ADAMTS12: variants seen among roughly 807,000 people sequenced by gnomAD.
ADAMTS12 encodes the protein ADAM metallopeptidase with thrombospondin type 1 motif 12.
Under a neutral mutation model 167.8 loss-of-function variants are expected in ADAMTS12, and 118 were observed. That is an observed-to-expected ratio of 0.70 (90% CI 0.61 to 0.82). The LOEUF is 0.82. ADAMTS12 is among the 40% of genes least tolerant of loss of function. The pLI is 0.00. For missense variants in ADAMTS12, 1,916 were observed against 1,998.8 expected, an observed-to-expected ratio of 0.96 and a Z score of 0.79; for synonymous variants, 704 against 716.9, an observed-to-expected ratio of 0.98 and a Z score of 0.29.
At chr5:33,791,859 A>C (rs1167016885) in intron 2 of ADAMTS12, among the ~76,000 whole-genome samples, 1 of 140,516 alleles carries the variant, frequency 7.1e-6, no homozygotes, top group Non-Finnish European at 1.5e-5. Context: ...TCCAAGCCTA[A>C]CTCAGATCCT....
chr5:33,846,022 C>T (rs1748930154), intron 2 of ADAMTS12, among the ~76,000 whole-genome samples: 1 of 152,212 alleles, frequency 6.6e-6, no homozygotes, highest in South Asian at 2.1e-4. Flanking sequence ...CCCACCAGGG[C>T]CCACCTCCAG....
At chr5:33,601,106 A>AGAGT (rs772822991) in intron 16 of ADAMTS12, among the ~76,000 whole-genome samples, 1 of 145,820 alleles carries the variant, frequency 6.9e-6, no homozygotes, top group Non-Finnish European at 1.5e-5. Flanking sequence ...CACATTTAAG[A>AGAGT]GTGTGTGTGT....
chr5:33,649,784 A>G, intron 7 of ADAMTS12, 87 bp from the exon 8 acceptor site: 1 of 1,522,520 alleles, frequency 6.6e-7, no homozygotes, highest in African/African-American at 1.4e-5. Context: ...GAGCGTAATA[A>G]CTCACAGACA....
At position 33,866,240 on chromosome 5, in the gene ADAMTS12, T is replaced by C. The variant is rs568059317; in HGVS notation, c.489+14879A>G. Reference sequence around the variant, plus strand: ...AAAGAGCATGGTACTGTTATAAAAATAGATACATAGGCCAATGGAACTGAA... The same window carrying C: ...AAAGAGCATGGTACTGTTATAAAAACAGATACATAGGCCAATGGAACTGAA... On this transcript the variant is annotated intron_variant, in intron 2 of 23. Transcript: ENST00000504830. Among the ~76,000 whole-genome samples the C allele has an allele frequency of 4.7e-4, 71 of 152,162 alleles. 1 individual carries two copies. The highest frequency in any genetic ancestry group is 1.7e-3 in the African/African-American group (70 of 41,534).
At chr5:33,815,292 T>C (rs1747606617) in intron 2 of ADAMTS12, among the ~76,000 whole-genome samples, 1 of 152,144 alleles carries the variant, frequency 6.6e-6, no homozygotes, top group African/African-American at 2.4e-5. Flanking sequence ...CCCAGTGTGA[T>C]GGTATGTGGA....
At chr5:33,851,504 A>G (rs1469185965) in intron 2 of ADAMTS12, among the ~76,000 whole-genome samples, 1 of 152,260 alleles carries the variant, frequency 6.6e-6, no homozygotes, top group Non-Finnish European at 1.5e-5. Context: ...TTGAATTAAA[A>G]GGATTTACTA....
intron 1 of ADAMTS12, among the ~76,000 whole-genome samples, chr5:33,891,278 G>A (rs866716805): frequency 6.6e-6 from 1 of 152,094 alleles, no homozygotes; most frequent in African/African-American, 2.4e-5. Context: ...TGCTCAGTAG[G>A]GGGGAAGAAT....
At position 33,588,580 on chromosome 5, in the gene ADAMTS12, C is replaced by T. The variant is rs1328405010; in HGVS notation, c.2865+19G>A. Reference sequence around the variant, plus strand: ...GAAGCTTGAATAATGCCAGTTTCCCCGCCGAGCCCTGAGCTCACCTCACTC... The same window carrying T: ...GAAGCTTGAATAATGCCAGTTTCCCTGCCGAGCCCTGAGCTCACCTCACTC... On this transcript the variant is annotated intron_variant, in intron 18 of 23. Transcript: ENST00000504830. 4 of 1,612,190 alleles carry T rather than the reference C, an allele frequency of 2.5e-6. No individual in the cohort carries two copies. The highest frequency in any genetic ancestry group is 1.3e-5 in the African/African-American group (1 of 74,878).
At chr5:33,644,257 A>G (rs1740580405) in intron 9 of ADAMTS12, among the ~76,000 whole-genome samples, 1 of 152,076 alleles carries the variant, frequency 6.6e-6, no homozygotes, top group Admixed American at 6.5e-5. Flanking sequence ...TTGTTGATGG[A>G]CCTTCTTATT....
At chr5:33,788,627 A>G (rs1746422186) in intron 2 of ADAMTS12, among the ~76,000 whole-genome samples, 2 of 152,188 alleles carry the variant, frequency 1.3e-5, no homozygotes, top group African/African-American at 4.8e-5. Context: ...CACTGGAAGC[A>G]GGTGCACCAG....
chr5:33,779,061 A>G (rs188747819), intron 2 of ADAMTS12, among the ~76,000 whole-genome samples: 1 of 152,258 alleles, frequency 6.6e-6, no homozygotes, highest in East Asian at 1.9e-4. Context: ...GTTAGTGGGG[A>G]TGTAAATTAG....
intron 13 of ADAMTS12, among the ~76,000 whole-genome samples, chr5:33,628,396 A>G (rs538261886): frequency 2.6e-4 from 39 of 152,246 alleles, no homozygotes; most frequent in African/African-American, 9.1e-4. Flanking sequence ...GTTTAAATCT[A>G]TATCTTTGAT....
At chr5:33,686,864 CTA>C (rs1310448271) in intron 3 of ADAMTS12, among the ~76,000 whole-genome samples, 2 of 150,230 alleles carry the variant, frequency 1.3e-5, no homozygotes, top group Non-Finnish European at 3.0e-5. Context: ...TCCTCTCTCT[CTA>C]TATATATATG....
chr5:33,690,456 A>C (rs1579841366), intron 3 of ADAMTS12, among the ~76,000 whole-genome samples: 1 of 142,298 alleles, frequency 7.0e-6, no homozygotes, highest in African/African-American at 2.6e-5. Context: ...AAGTATAAGC[A>C]CCTGAAAAAA....
At chr5:33,740,271 A>T (rs1744517097) in intron 3 of ADAMTS12, among the ~76,000 whole-genome samples, 1 of 152,248 alleles carries the variant, frequency 6.6e-6, no homozygotes, top group African/African-American at 2.4e-5. Context: ...CATCTATAGC[A>T]AATAATACAG....
intron 17 of ADAMTS12, among the ~76,000 whole-genome samples, chr5:33,593,605 T>C (rs1055943100): frequency 6.6e-6 from 1 of 152,114 alleles, no homozygotes; most frequent in South Asian, 2.1e-4. Context: ...TGTCATGTTC[T>C]GACTCATAAG....
chr5:33,536,166 T>A (rs1744394326), intron 22 of ADAMTS12, among the ~76,000 whole-genome samples: 1 of 152,174 alleles, frequency 6.6e-6, no homozygotes, highest in Admixed American at 6.5e-5. Flanking sequence ...AGACAAGGTC[T>A]GGCTCTATCA....
intron 10 of ADAMTS12, among the ~76,000 whole-genome samples, 183 bp from the exon 11 acceptor site, chr5:33,642,138 CAG>C (rs1377786956): frequency 2.0e-5 from 3 of 152,158 alleles, no homozygotes; most frequent in Non-Finnish European, 4.4e-5. Flanking sequence ...GTTTTAGAAT[CAG>C]AGAGTTTCAA....
At chr5:33,847,862 C>T (rs1749007564) in intron 2 of ADAMTS12, among the ~76,000 whole-genome samples, 1 of 152,066 alleles carries the variant, frequency 6.6e-6, no homozygotes, top group Admixed American at 6.6e-5. Flanking sequence ...ACTGTATTCA[C>T]CAAAGATCTG....
Sources: gnomAD v4.1 joint callset for allele counts (sites outside exome capture counted in the v4.1 genomes callset) on GRCh38, gnomAD v4.1.1 for gene constraint, MANE v1.5 for transcripts, NCBI Gene and HGNC (gene_info 2026-07-23, HGNC 2026-07-21) for gene names.